The following UBTD1 variants were observed in gnomAD, a reference collection of about 807,000 sequenced individuals.
UBTD1 encodes the protein ubiquitin domain containing 1, also known as ubiquitin domain-containing protein 1.
Under a neutral mutation model 21.7 loss-of-function variants are expected in UBTD1, and 19 were observed. The observed-to-expected ratio is 0.87, with a 90% CI of 0.61 to 1.28. The LOEUF (loss-of-function observed/expected upper bound fraction) is 1.28, where lower values mean the gene tolerates loss of function less well. Ranked by LOEUF, UBTD1 falls within the 50% of genes most tolerant of loss-of-function variation. The pLI is 0.00. For missense variants in UBTD1, 282 were observed against 315.1 expected (o/e 0.89, Z 0.80); for synonymous variants, 116 against 135.1 (o/e 0.86, Z 0.98).
At chr10:97,501,862 C>T (rs2040377964) in intron 1 of UBTD1, among the ~76,000 whole-genome samples, 1 of 152,208 alleles carries the variant, frequency 6.6e-6, no homozygotes, top group Non-Finnish European at 1.5e-5. Flanking sequence ...TTCCCCCTCC[C>T]TCCGCACCCC....
intron 1 of UBTD1, among the ~76,000 whole-genome samples, chr10:97,519,786 T>C (rs2040459347): frequency 6.6e-6 from 1 of 152,152 alleles, no homozygotes; most frequent in African/African-American, 2.4e-5. Context: ...GGGAAGCCTG[T>C]ATGTTGATTA....
chr10:97,529,707 T>C (rs2040518592), intron 1 of UBTD1, among the ~76,000 whole-genome samples: 1 of 151,906 alleles, frequency 6.6e-6, no homozygotes, highest in South Asian at 2.1e-4. Context: ...ACAGTCCAGC[T>C]TCGGCTCGGC....
chr10:97,510,745 T>G (rs1177606903), intron 1 of UBTD1, among the ~76,000 whole-genome samples: 2 of 152,176 alleles, frequency 1.3e-5, no homozygotes, highest in Non-Finnish European at 2.9e-5. Context: ...GACCCATTTA[T>G]TCAGGAAGGC....
chr10:97,502,175 T>C (rs1453290545), intron 1 of UBTD1, among the ~76,000 whole-genome samples: 1 of 152,180 alleles, frequency 6.6e-6, no homozygotes, highest in Middle Eastern at 3.2e-3. Flanking sequence ...ATCTGCATTT[T>C]TCATATATCT....
At chr10:97,560,519 G>GA (rs1374612955) in intron 1 of UBTD1, among the ~76,000 whole-genome samples, 1 of 152,122 alleles carries the variant, frequency 6.6e-6, no homozygotes, top group Non-Finnish European at 1.5e-5. Flanking sequence ...CTGTGGAGGG[G>GA]AAGGGGGTCT....
At chr10:97,541,464 C>A (rs938283468) in intron 1 of UBTD1, among the ~76,000 whole-genome samples, 1 of 152,024 alleles carries the variant, frequency 6.6e-6, no homozygotes, top group Non-Finnish European at 1.5e-5. Flanking sequence ...GATGACAGAG[C>A]AAGACCCTGT....
intron 1 of UBTD1, among the ~76,000 whole-genome samples, chr10:97,555,827 C>T (rs543510195): frequency 7.2e-5 from 11 of 152,322 alleles, no homozygotes; most frequent in Admixed American, 2.0e-4. Flanking sequence ...GGCGTGGTTT[C>T]GGGCCTGGCG....
intron 1 of UBTD1, among the ~76,000 whole-genome samples, chr10:97,515,617 C>T (rs1452203342): frequency 1.3e-5 from 2 of 152,244 alleles, no homozygotes; most frequent in African/African-American, 2.4e-5. Flanking sequence ...TTCTCCCTCT[C>T]TCTCATCTCT....
At chr10:97,518,623 C>T (rs1478850196) in intron 1 of UBTD1, among the ~76,000 whole-genome samples, 2 of 152,218 alleles carry the variant, frequency 1.3e-5, no homozygotes, top group African/African-American at 4.8e-5. Context: ...AATCTCAGAC[C>T]CCTTGGAGCA....
intron 1 of UBTD1, among the ~76,000 whole-genome samples, chr10:97,529,496 C>T (rs2040516743): frequency 6.6e-6 from 1 of 152,210 alleles, no homozygotes; most frequent in African/African-American, 2.4e-5. Context: ...GTTAACGAGA[C>T]TCCGTCTGCA....
chr10:97,539,639 A>G (rs1427962527), intron 1 of UBTD1, among the ~76,000 whole-genome samples: 2 of 151,830 alleles, frequency 1.3e-5, no homozygotes, highest in African/African-American at 4.8e-5. Context: ...AAAGTTCAAG[A>G]CTGGTTGTTA....
chr10:97,502,889 A>ATT (rs2040382950), intron 1 of UBTD1, among the ~76,000 whole-genome samples: 1 of 147,112 alleles, frequency 6.8e-6, no homozygotes, highest in Non-Finnish European at 1.5e-5. Flanking sequence ...ATATATACGT[A>ATT]TATATATGTG....
At chr10:97,519,909 G>A (rs1380682719) in intron 1 of UBTD1, among the ~76,000 whole-genome samples, 1 of 152,100 alleles carries the variant, frequency 6.6e-6, no homozygotes, top group Non-Finnish European at 1.5e-5. Context: ...GGTCTCTGAG[G>A]ATGGTGCATA....
At chr10:97,509,490 C>T (rs943771690) in intron 1 of UBTD1, among the ~76,000 whole-genome samples, 1 of 152,140 alleles carries the variant, frequency 6.6e-6, no homozygotes, top group African/African-American at 2.4e-5. Context: ...CTCATTGTTC[C>T]ACTGATGACT....
chr10:97,570,720 G>T lies in UBTD1; in HGVS notation c.*197G>T. Reference sequence around the variant, plus strand: ...CCCAGGGAGCAGGCAGCCACACACGGGCCTTGCAACCTTGTCAGAGAAAAG... The same window carrying T: ...CCCAGGGAGCAGGCAGCCACACACGTGCCTTGCAACCTTGTCAGAGAAAAG... On this transcript the variant is annotated 3_prime_UTR_variant, in exon 3 of 3. Coordinates refer to ENST00000370664, the MANE Select transcript of UBTD1 (RefSeq NM_024954.5). The surrounding 1 kb of genome is among the most constrained non-coding windows in gnomAD (Gnocchi z 6.6). 1 of 642,190 alleles carries T rather than the reference G, an allele frequency of 1.6e-6. No homozygotes were observed. The highest frequency in any genetic ancestry group is 2.6e-6 in the Non-Finnish European group (1 of 384,802). The allele number at this position is 642,190 out of a possible 1,614,324, so 39.8% of individuals were successfully genotyped here.
intron 1 of UBTD1, among the ~76,000 whole-genome samples, chr10:97,558,671 C>G (rs1039638376): frequency 6.6e-6 from 1 of 151,044 alleles, no homozygotes; most frequent in African/African-American, 2.4e-5. Context: ...ATGAAAAGCT[C>G]TTGCTGTTGG....
At chr10:97,534,578 C>CGT (rs72157701) in intron 1 of UBTD1, among the ~76,000 whole-genome samples, 21 of 31,460 alleles carry the variant, frequency 6.7e-4, no homozygotes, top group Non-Finnish European at 2.1e-3. Flanking sequence ...CACGCGCGCG[C>CGT]GCACACACAC....
At chr10:97,511,847 C>T (rs1201432738) in intron 1 of UBTD1, among the ~76,000 whole-genome samples, 2 of 152,174 alleles carry the variant, frequency 1.3e-5, no homozygotes, top group African/African-American at 4.8e-5. Context: ...TCACTGTTTA[C>T]AGTTTTCACA....
chr10:97,549,917 G>A (rs569798197), intron 1 of UBTD1, among the ~76,000 whole-genome samples: 4 of 152,190 alleles, frequency 2.6e-5, no homozygotes, highest in African/African-American at 4.8e-5. Context: ...ACACCCCCTG[G>A]CTCCCCCCTC....
Sources: gnomAD v4.1 joint callset for allele counts (sites outside exome capture counted in the v4.1 genomes callset) on GRCh38, gnomAD v4.1.1 for gene constraint, Gnocchi (gnomAD v3.1) non-coding constraint, MANE v1.5 for transcripts, NCBI Gene and HGNC (gene_info 2026-07-23, HGNC 2026-07-21) for gene names.